Variants in PCDHGC4 observed in about 807,000 individuals in gnomAD.
PCDHGC4 encodes the protein protocadherin gamma-C4.
A neutral mutation model predicts 59.7 loss-of-function variants in PCDHGC4; 15 were observed. The observed-to-expected ratio is 0.25, with a 90% confidence interval of 0.17 to 0.39. The LOEUF is 0.39. Ranked by LOEUF, PCDHGC4 falls within the 10% of genes least tolerant of loss-of-function variation. The pLI, the probability that PCDHGC4 is intolerant of heterozygous loss-of-function variation, is 1.00. For synonymous variants in PCDHGC4, 434 were observed against 481.4 expected (o/e 0.90, Z 1.29); for missense variants, 1,016 against 1,189.5 (o/e 0.85, Z 2.15).
At chr5:141,509,335 G>T (rs113423267) in intron 3 of PCDHGC4, among the ~76,000 whole-genome samples, 106 of 152,262 alleles carry the variant, frequency 7.0e-4, no homozygotes, top group African/African-American at 2.4e-3. Context: ...CTGCCAGCTG[G>T]GCCTGGGCTG....
chr5:141,510,840 A>C (rs2099882997), intron 3 of PCDHGC4, 107 bp from the exon 4 acceptor site: 1 of 1,588,450 alleles, frequency 6.3e-7, no homozygotes, highest in Non-Finnish European at 8.6e-7. Context: ...CAGCGTGGTC[A>C]AGGCCCAGGG....
Position 141,487,323 on chromosome 5 carries a change from G to T in PCDHGC4, c.2150G>T (p.Arg717Leu). The T allele has an allele frequency of 6.2e-7, 1 of 1,614,100 alleles. No homozygotes were observed. The highest frequency in any genetic ancestry group is 8.5e-7 in the Non-Finnish European group (1 of 1,180,004). Residue 717 changes from arginine to leucine, a missense_variant, in exon 1 of 4, where the codon CGT (arginine) becomes CTT (leucine). Physicochemically the swap from Arg to Leu is moderately radical, Grantham distance 102 (BLOSUM62 -2). Coordinates refer to ENST00000306593, the MANE Select transcript of PCDHGC4 (RefSeq NM_018928.3). This position sits in a 1 kb window ranked among gnomAD's most constrained non-coding sequence, Gnocchi z 5.0. ...SFVALLSKCL[R>L]GAACGVTCFP... ...GTGGCACTACTCTCTAAGTGTCTTC[G>T]TGGGGCAGCCTGTGGAGTCACATGC... is the stretch of plus-strand genomic sequence containing the variant.
intron 2 of PCDHGC4, among the ~76,000 whole-genome samples, chr5:141,503,685 G>A (rs1171934407): frequency 2.6e-5 from 4 of 151,882 alleles, no homozygotes; most frequent in African/African-American, 9.7e-5. Context: ...TTGGGAAGGA[G>A]AATTGAGATT....
Position 141,485,966 on chromosome 5 carries a change from A to T in PCDHGC4, c.793A>T (p.Asn265Tyr). The part of the protein sequence containing the change: ...APAGMVLIQL[N>Y]ASDPDLGPSG... ...AGCGGGCATGGTGCTCATCCAGCTC[A>T]ATGCCTCAGACCCGGACCTGGGTCC... The change falls in exon 1 of 4, where the codon AAT becomes TAT. Residue 265 changes from asparagine (N) to tyrosine (Y), a missense_variant. By Grantham distance (143) the Asn-to-Tyr change is moderately radical (BLOSUM62 -2). Coordinates refer to ENST00000306593, the MANE Select transcript of PCDHGC4 (RefSeq NM_018928.3). The surrounding 1 kb of genome is among the most constrained non-coding windows in gnomAD (Gnocchi z 5.7). 1 of 1,614,168 alleles carries T rather than the reference A, an allele frequency of 6.2e-7. No individual in the cohort carries two copies. Among genetic ancestry groups the T allele is most frequent in the Non-Finnish European group, 8.5e-7 (1 of 1,179,988 alleles).
chr5:141,486,559 G>A lies in PCDHGC4; in HGVS notation c.1386G>A (p.Val462=). ...CTTTCTTTCAGAGGTCACATGAGGTGTTTGTTCCTGAGAACAATCGCCCAG... is the reference window on the plus strand; with the variant it reads ...CTTTCTTTCAGAGGTCACATGAGGTATTTGTTCCTGAGAACAATCGCCCAG... ...PPSFFQRSHE[V]FVPENNRPGD... Residue 462 remains valine (V), a synonymous_variant, in exon 1 of 4, where the codon GTG becomes GTA. Transcript: ENST00000306593. This position sits in a 1 kb window ranked among gnomAD's most constrained non-coding sequence, Gnocchi z 5.0. 6.2e-7 allele frequency: 1 copy of A among 1,614,032 alleles called. No individual in the cohort carries two copies. Among genetic ancestry groups the A allele is most frequent in the Non-Finnish European group, 8.5e-7 (1 of 1,180,022 alleles).
chr5:141,505,343 G>C (rs2099845454), intron 2 of PCDHGC4, 50 bp from the exon 3 acceptor site: 1 of 1,612,934 alleles, frequency 6.2e-7, no homozygotes, highest in Non-Finnish European at 8.5e-7. Context: ...GGAGGGGCAT[G>C]AGCTGTGCCG....
chr5:141,505,078 C>G (rs535590642), intron 2 of PCDHGC4, among the ~76,000 whole-genome samples: 81 of 152,298 alleles, frequency 5.3e-4, no homozygotes, highest in African/African-American at 2.0e-3. Flanking sequence ...AGGAGAATCG[C>G]TTGAACCCAG....
Position 141,511,066 on chromosome 5 carries a change from C to T in PCDHGC4, c.2710C>T (p.Pro904Ser). Residue 904 changes from proline to serine, a missense_variant, in exon 4 of 4, where the codon CCA (proline) becomes TCA (serine). Physicochemically the swap from Pro to Ser is moderately conservative, Grantham distance 74. Transcript: ENST00000306593. The part of the protein sequence containing the change: ...VPDYRQNVYI[P>S]GSNATLTNAA... ...CGACTACCGCCAGAATGTCTACATC[C>T]CAGGCAGCAATGCCACACTGACCAA... 1.2e-6 allele frequency: 2 copies of T among 1,614,230 alleles called. No individual in the cohort carries two copies. Among genetic ancestry groups the T allele is most frequent in the Non-Finnish European group, 1.7e-6 (2 of 1,180,036 alleles).
intron 2 of PCDHGC4, among the ~76,000 whole-genome samples, chr5:141,502,866 C>CTCTTTTTT (rs1554188502): frequency 2.3e-5 from 3 of 128,046 alleles, no homozygotes; most frequent in Non-Finnish European, 3.2e-5. Flanking sequence ...GACTCTCTGT[C>CTCTTTTTT]TTTTTTTTTT....
chr5:141,512,241 G>A lies in PCDHGC4; in HGVS notation c.*1068G>A, dbSNP rs533051658. On this transcript the variant is annotated 3_prime_UTR_variant, in exon 4 of 4. Coordinates refer to ENST00000306593, the MANE Select transcript of PCDHGC4 (RefSeq NM_018928.3). ...CCAGGTCCCCTTGAGAGGTCAGAGGGGCCTCTGTGGGTGCTGGGTACTCCA... is the reference window on the plus strand; with the variant it reads ...CCAGGTCCCCTTGAGAGGTCAGAGGAGCCTCTGTGGGTGCTGGGTACTCCA... 1 of 152,866 alleles carries A rather than the reference G, an allele frequency of 6.5e-6. No individual in the cohort carries two copies. The highest frequency in any genetic ancestry group is 2.1e-4 in the South Asian group (1 of 4,824). 9.5% of individuals were successfully genotyped at this position (152,866 alleles called of 1,614,324 possible).
chr5:141,487,798 G>A lies in PCDHGC4; in HGVS notation c.2442+183G>A, dbSNP rs1197016007. 6.7e-7 allele frequency: 1 copy of A among 1,498,792 alleles called. No homozygotes were observed. Among genetic ancestry groups the A allele is most frequent in the South Asian group, 1.3e-5 (1 of 78,368 alleles). 92.8% of individuals were successfully genotyped at this position (1,498,792 alleles called of 1,614,324 possible). On this transcript the variant is annotated intron_variant, in intron 1 of 3. Coordinates refer to ENST00000306593, the MANE Select transcript of PCDHGC4 (RefSeq NM_018928.3). The surrounding 1 kb of genome is among the most constrained non-coding windows in gnomAD (Gnocchi z 5.0). ...ACTGTTTCGTGAATTAACCAGAGTT[G>A]TCACAGTTTAGCATTGGGGGCGGGT...
intron 3 of PCDHGC4, among the ~76,000 whole-genome samples, chr5:141,510,166 A>G (rs1280391099): frequency 6.6e-6 from 1 of 151,872 alleles, no homozygotes; most frequent in African/African-American, 2.4e-5. Flanking sequence ...TCAGCTACTC[A>G]GGAGGTTGAG....
At chr5:141,499,689 CT>C (rs545067566) in intron 2 of PCDHGC4, among the ~76,000 whole-genome samples, 4,434 of 119,828 alleles carry the variant, frequency 0.037, 46 homozygotes, top group African/African-American at 0.083. Context: ...TAACAGATGA[CT>C]TTTTTTTTTT....
rs758579068 is a variant in PCDHGC4, at chr5:141,485,232, T to C, written c.59T>C (p.Leu20Pro). 6.2e-7 allele frequency: 1 copy of C among 1,614,136 alleles called. No individual in the cohort carries two copies. The highest frequency in any genetic ancestry group is 8.5e-7 in the Non-Finnish European group (1 of 1,180,016). Reference sequence around the variant, plus strand: ...TGGCGGTGGGCTACCCTTTTGTTCCTCTTTTACCACCTGGGTTACGTTTGT... The same window carrying C: ...TGGCGGTGGGCTACCCTTTTGTTCCCCTTTTACCACCTGGGTTACGTTTGT... Reference protein sequence around the residue: ...EIWRWATLLFLFYHLGYVCGQ... With the variant: ...EIWRWATLLFPFYHLGYVCGQ... The change falls in exon 1 of 4, where the codon CTC (leucine) becomes CCC (proline). Residue 20 changes from leucine (L) to proline (P), a missense_variant. Physicochemically the swap from Leu to Pro is moderately conservative, Grantham distance 98. Coordinates refer to ENST00000306593, the MANE Select transcript of PCDHGC4 (RefSeq NM_018928.3). This position sits in a 1 kb window ranked among gnomAD's most constrained non-coding sequence, Gnocchi z 5.7.
In PCDHGC4 at chr5:141,494,849, A is replaced by C; in HGVS notation, c.2485A>C (p.Arg829=). ...NTDWRFSQAQ[R]PGTSGSQNGD... ...GGACTGGCGTTTCTCTCAGGCCCAG[A>C]GACCCGGCACCAGCGGGTAGGTGAC... Residue 829 remains arginine, a synonymous_variant, in exon 2 of 4, where the codon AGA becomes CGA. Transcript: ENST00000306593. 1 of 1,614,102 alleles carries C rather than the reference A, an allele frequency of 6.2e-7. No individual in the cohort carries two copies. Among genetic ancestry groups the C allele is most frequent in the Non-Finnish European group, 8.5e-7 (1 of 1,180,014 alleles).
chr5:141,489,066 C>G lies in PCDHGC4; in HGVS notation c.2442+1451C>G. The stretch of plus-strand genomic sequence containing the variant: ...CACTCAAATTCAGCTCCCCTCCCCC[C>G]TGCCCACCCCCGCCACTCGGTGACT... On this transcript the variant is annotated intron_variant, in intron 1 of 3. Transcript: ENST00000306593. This position sits in a 1 kb window ranked among gnomAD's most constrained non-coding sequence, Gnocchi z 4.5. 1 of 391,132 alleles carries G rather than the reference C, an allele frequency of 2.6e-6. No individual in the cohort carries two copies. Among genetic ancestry groups the G allele is most frequent in the South Asian group, 4.2e-5 (1 of 24,028 alleles). 24.2% of individuals were successfully genotyped at this position (391,132 alleles called of 1,614,324 possible).
At position 141,511,036 on chromosome 5, in the gene PCDHGC4, G is replaced by A. The variant is rs116366286; in HGVS notation, c.2680G>A (p.Val894Met). ...CGGACCCCAGTTCACCCTGCAGCAC[G>A]TGCCCGACTACCGCCAGAATGTCTA... is the stretch of plus-strand genomic sequence containing the variant. ...RYGPQFTLQH[V>M]PDYRQNVYIP... is the part of the protein sequence containing the mutation. Residue 894 changes from valine to methionine, a missense_variant, in exon 4 of 4, where the codon GTG becomes ATG. Physicochemically the swap from Val to Met is conservative, Grantham distance 21. Transcript: ENST00000306593. 5.5e-5 allele frequency: 89 copies of A among 1,614,198 alleles called. No individual in the cohort carries two copies. The highest frequency in any genetic ancestry group is 1.6e-4 in the Middle Eastern group (1 of 6,062).
chr5:141,485,641 G>T lies in PCDHGC4; in HGVS notation c.468G>T (p.Lys156Asn). The T allele has an allele frequency of 6.2e-7, 1 of 1,612,012 alleles. No individual in the cohort carries two copies. Among genetic ancestry groups the T allele is most frequent in the Non-Finnish European group, 8.5e-7 (1 of 1,178,470 alleles). Residue 156 changes from lysine to asparagine, a missense_variant, in exon 1 of 4, where the codon AAG (lysine) becomes AAT (asparagine). Physicochemically the swap from Lys to Asn is moderately conservative, Grantham distance 94 (BLOSUM62 0). Transcript: ENST00000306593. The surrounding 1 kb of genome is among the most constrained non-coding windows in gnomAD (Gnocchi z 5.7). Reference sequence around the variant, plus strand: ...CAGGACAGCGTTTCCCGTTGGAAAAGGCTCAGGATGCAGATGTGGGGAGCA... The same window carrying T: ...CAGGACAGCGTTTCCCGTTGGAAAATGCTCAGGATGCAGATGTGGGGAGCA... ...APPGQRFPLE[K>N]AQDADVGSNS...
At position 141,486,266 on chromosome 5, in the gene PCDHGC4, C is replaced by A; in HGVS notation, c.1093C>A (p.Pro365Thr). Residue 365 changes from proline (P) to threonine (T), a missense_variant, in exon 1 of 4, where the codon CCT (proline) becomes ACT (threonine). Coordinates refer to ENST00000306593, the MANE Select transcript of PCDHGC4 (RefSeq NM_018928.3). The surrounding 1 kb of genome is among the most constrained non-coding windows in gnomAD (Gnocchi z 5.0). ...TGGAACCCTCCCCGAGAGTGCAGAA[C>A]CTGGCACTGTGGTGGCACTTATCAG... ...ELGTLPESAE[P>T]GTVVALISVQ... The A allele has an allele frequency of 1.9e-6, 3 of 1,614,098 alleles. No homozygotes were observed. Among genetic ancestry groups the A allele is most frequent in the Admixed American group, 3.3e-5 (2 of 60,016 alleles).
Sources: gnomAD v4.1 joint callset for allele counts (sites outside exome capture counted in the v4.1 genomes callset) on GRCh38, gnomAD v4.1.1 for gene constraint, Gnocchi (gnomAD v3.1) non-coding constraint, MANE v1.5 for transcripts, NCBI Gene and HGNC (gene_info 2026-07-23, HGNC 2026-07-21) for gene names.